The following USP7 variants were observed in gnomAD, a reference collection of about 807,000 sequenced individuals.
USP7 encodes the protein ubiquitin C-terminal hydrolase 7.
USP7 carries 9 observed loss-of-function variants against 162.9 expected under a neutral mutation model. The observed-to-expected ratio is 0.06, with a 90% confidence interval of 0.03 to 0.10. The LOEUF (loss-of-function observed/expected upper bound fraction) is 0.10, where lower values mean the gene tolerates loss of function less well. Among genes scored for constraint, USP7 ranks in the 10% least tolerant of loss-of-function variants. The pLI is 1.00. For missense variants in USP7, 715 were observed against 1,373.7 expected (o/e 0.52, Z 7.58); for synonymous variants, 562 against 475.9 (o/e 1.18, Z -2.35).
At chr16:8,904,908 C>T (rs1034138038) in intron 14 of USP7, among the ~76,000 whole-genome samples, 5 of 152,084 alleles carry the variant, frequency 3.3e-5, no homozygotes, top group African/African-American at 9.7e-5. Flanking sequence ...GGAGGTGGAG[C>T]TTGCAGTGAG....
chr16:8,961,185 C>T (rs773143396), intron 1 of USP7, among the ~76,000 whole-genome samples: 11 of 151,820 alleles, frequency 7.2e-5, no homozygotes, highest in Non-Finnish European at 1.5e-4. Flanking sequence ...AATTCAACAC[C>T]CTCTAGTCTT....
At chr16:8,948,906 A>G (rs548875300) in intron 1 of USP7, among the ~76,000 whole-genome samples, 57 of 152,256 alleles carry the variant, frequency 3.7e-4, no homozygotes, top group South Asian at 2.1e-3. Flanking sequence ...TAAGGCTGCA[A>G]TGAGCTATGA....
intron 1 of USP7, among the ~76,000 whole-genome samples, chr16:8,955,885 A>G (rs985729909): frequency 6.6e-5 from 10 of 152,094 alleles, no homozygotes; most frequent in African/African-American, 2.4e-5. Context: ...GGAATGCCAC[A>G]TGGTGTCCCT....
At position 8,963,533 on chromosome 16, in the gene USP7, C is replaced by A. The variant is rs1900108166; in HGVS notation, c.-248G>T. The A allele has an allele frequency of 1.5e-5, 2 of 129,124 alleles. No individual in the cohort carries two copies. Among genetic ancestry groups the A allele is most frequent in the South Asian group, 5.3e-4 (2 of 3,802 alleles). 8.0% of individuals were successfully genotyped at this position (129,124 alleles called of 1,614,324 possible). A position where few individuals can be genotyped will look rare whatever the true frequency, so the allele number is the denominator to read the frequency against. On this transcript the variant is annotated 5_prime_UTR_variant, in exon 1 of 31. Transcript: ENST00000344836. ...GGCGCCGAGGCGGGCGGGCGGCCGG[C>A]GGGCCGGGCCGGGCGGCCTCGTCGC...
intron 1 of USP7, among the ~76,000 whole-genome samples, chr16:8,950,916 C>G (rs2074928525): frequency 6.6e-6 from 1 of 152,180 alleles, no homozygotes; most frequent in Admixed American, 6.5e-5. Context: ...TTATTTTTCC[C>G]AAGAGAACCT....
Position 8,897,357 on chromosome 16 carries a change from G to A in USP7, c.2719-258C>T, listed in dbSNP as rs547802859. On this transcript the variant is annotated intron_variant, in intron 25 of 30. Coordinates refer to ENST00000344836, the MANE Select transcript of USP7 (RefSeq NM_003470.3). ...TGATGCAAGAAGCCTGTCATTTACAGAACACCTTCTCAGGAAATGGTCCCG... is the reference window on the plus strand; with the variant it reads ...TGATGCAAGAAGCCTGTCATTTACAAAACACCTTCTCAGGAAATGGTCCCG... 167 of 441,064 alleles carry A rather than the reference G, an allele frequency of 3.8e-4. 2 individuals carry two copies. The South Asian group carries it at 5.2e-3, about 14-fold the overall frequency. The allele number at this position is 441,064 out of a possible 1,614,324, so 27.3% of individuals were successfully genotyped here.
Position 8,904,259 on chromosome 16 carries a change from G to A in USP7, c.1704+176C>T, listed in dbSNP as rs76769473. Among the ~76,000 whole-genome samples the A allele has an allele frequency of 4.2e-3, 643 of 152,330 alleles. 5 individuals are homozygous for A. Among genetic ancestry groups the A allele is most frequent in the African/African-American group, 0.014 (576 of 41,572 alleles). ...CTCTGGGCAGCTGCCCTGCTGTGCA[G>A]TGACCCAAGGGGTCCCAGAGGAGTG... On this transcript the variant is annotated intron_variant, in intron 15 of 30. Transcript: ENST00000344836.
At chr16:8,902,648 C>T (rs371368523) in intron 16 of USP7, among the ~76,000 whole-genome samples, 166 bp from the exon 17 acceptor site, 7 of 152,030 alleles carry the variant, frequency 4.6e-5, no homozygotes, top group East Asian at 1.9e-4. Flanking sequence ...CCAGCACTTT[C>T]GGAGGCCGAG....
rs375547032 is a variant in USP7, at chr16:8,941,427, T to A, written c.80-11030A>T. Among the ~76,000 whole-genome samples, 81 of 152,336 alleles carry A rather than the reference T, an allele frequency of 5.3e-4. No individual in the cohort carries two copies. In the South Asian group the frequency reaches 7.5e-3, roughly 14 times the overall value. Reference sequence around the variant, plus strand: ...TATTCTGTAGCCTAATACGTTACTTTTCCAGACAGGAAGGACCTGAGGGGT... The same window carrying A: ...TATTCTGTAGCCTAATACGTTACTTATCCAGACAGGAAGGACCTGAGGGGT... On this transcript the variant is annotated intron_variant, in intron 1 of 30. Coordinates refer to ENST00000344836, the MANE Select transcript of USP7 (RefSeq NM_003470.3).
chr16:8,905,665 G>A (rs1198250613), intron 13 of USP7, among the ~76,000 whole-genome samples: 2 of 152,092 alleles, frequency 1.3e-5, no homozygotes, highest in Non-Finnish European at 2.9e-5. Context: ...ACTCTTTACA[G>A]AATTAAAAAG....
intron 1 of USP7, chr16:8,962,635 A>G: frequency 3.4e-6 from 1 of 291,472 alleles, no homozygotes; most frequent in Non-Finnish European, 7.3e-6. Context: ...CGCCCGGGTC[A>G]GAACTCTGGG....
At chr16:8,945,764 G>A (rs1899247884) in intron 1 of USP7, among the ~76,000 whole-genome samples, 1 of 151,804 alleles carries the variant, frequency 6.6e-6, no homozygotes, top group South Asian at 2.1e-4. Flanking sequence ...GAATAACACA[G>A]ATCCACTGGG....
intron 23 of USP7, 112 bp from the exon 24 acceptor site, chr16:8,898,751 G>C (rs965576497): frequency 1.2e-6 from 1 of 848,632 alleles, no homozygotes; most frequent in African/African-American, 1.7e-5. Flanking sequence ...CTTGAAATTT[G>C]GACCTAGCAT....
At chr16:8,936,291 C>G (rs575557209) in intron 1 of USP7, among the ~76,000 whole-genome samples, 65 of 152,268 alleles carry the variant, frequency 4.3e-4, no homozygotes, top group African/African-American at 1.5e-3. Flanking sequence ...TGGCGCCCTA[C>G]AGCCCATCTC....
At chr16:8,932,405 A>C (rs933375163) in intron 1 of USP7, among the ~76,000 whole-genome samples, 1 of 152,094 alleles carries the variant, frequency 6.6e-6, no homozygotes, top group Non-Finnish European at 1.5e-5. Context: ...ATCTCAATTT[A>C]TTATTATTTT....
chr16:8,947,372 G>C (rs186939004), intron 1 of USP7, among the ~76,000 whole-genome samples: 232 of 151,404 alleles, frequency 1.5e-3, no homozygotes, highest in African/African-American at 5.2e-3. Flanking sequence ...CACACACACA[G>C]GGTCTCACTC....
chr16:8,955,215 G>T (rs1899737133), intron 1 of USP7, among the ~76,000 whole-genome samples: 1 of 152,088 alleles, frequency 6.6e-6, no homozygotes, highest in Non-Finnish European at 1.5e-5. Flanking sequence ...CGTATGGCTC[G>T]TTTTTTTACA....
rs985497029 is a variant in USP7 at position 8,913,524 on chromosome 16, C to CG, written c.1078+1729dup. Among the ~76,000 whole-genome samples, 18 of 151,848 alleles carry CG rather than the reference C, an allele frequency of 1.2e-4. 1 individual carries two copies. The highest frequency in any genetic ancestry group is 4.4e-4 in the African/African-American group (18 of 41,216). On this transcript the variant is annotated intron_variant, in intron 10 of 30. Coordinates refer to ENST00000344836, the MANE Select transcript of USP7 (RefSeq NM_003470.3). ...GAAGACGGTAGAACGTCTAACAGAC[C>CG]GAAGGAAGGAACCTGCCAACCTAGA... is the stretch of plus-strand genomic sequence containing the variant.
intron 1 of USP7, among the ~76,000 whole-genome samples, 156 bp downstream of exon 1, chr16:8,963,051 C>T (rs1567253631): frequency 3.1e-4 from 4 of 12,892 alleles, no homozygotes; most frequent in Middle Eastern, 0.036. Context: ...CATGACTTTG[C>T]AGCCTCGCAG....
Sources: gnomAD v4.1 joint callset for allele counts (sites outside exome capture counted in the v4.1 genomes callset) on GRCh38, gnomAD v4.1.1 for gene constraint, MANE v1.5 for transcripts, NCBI Gene and HGNC (gene_info 2026-07-23, HGNC 2026-07-21) for gene names.